CAST: variants seen among roughly 807,000 people sequenced by gnomAD.
CAST encodes the protein MIR583 host.
CAST carries 76 observed loss-of-function variants against 119.6 expected under a neutral mutation model. The observed-to-expected ratio is 0.64, with a 90% CI of 0.53 to 0.77. The LOEUF is 0.77. CAST is among the 30% of genes least tolerant of loss of function. The probability of loss-of-function intolerance (pLI) is 0.00; values close to 1 mark genes in which losing one functional copy is unlikely to be tolerated. For synonymous variants in CAST, 319 were observed against 331.6 expected (o/e 0.96, Z 0.41); for missense variants, 953 against 946.5 (o/e 1.01, Z -0.09).
chr5:96,563,725 C>G (rs1746423654), intron 1 of CAST, among the ~76,000 whole-genome samples: 1 of 152,112 alleles, frequency 6.6e-6, no homozygotes, highest in South Asian at 2.1e-4. Context: ...TTCACTGCCG[C>G]ACTTACTGAA....
chr5:96,710,640 T>C (rs1393061319), intron 3 of CAST, among the ~76,000 whole-genome samples: 1 of 152,172 alleles, frequency 6.6e-6, no homozygotes, highest in African/African-American at 2.4e-5. Flanking sequence ...ATTACATTCA[T>C]TGCCAGCAAT....
At chr5:96,015,195 A>G in the CAST span, among the ~76,000 whole-genome samples, 11 of 152,326 alleles carry the variant, frequency 7.2e-5, no homozygotes, top group African/African-American at 2.4e-4. Flanking sequence ...TTAAACTAAT[A>G]TTAGTATAGT....
chr5:96,248,568 A>G, the CAST span, among the ~76,000 whole-genome samples: 1 of 152,242 alleles, frequency 6.6e-6, no homozygotes, highest in Admixed American at 6.5e-5. Context: ...CTAAAACCAG[A>G]TAGAAATGGG....
intron 2 of CAST, among the ~76,000 whole-genome samples, chr5:96,678,626 C>G (rs938538824): frequency 3.9e-5 from 6 of 151,904 alleles, no homozygotes; most frequent in Non-Finnish European, 5.9e-5. Flanking sequence ...GGGCAGATCA[C>G]AAGGTCAGGA....
intron 3 of CAST, among the ~76,000 whole-genome samples, chr5:96,711,743 G>A (rs1020068824): frequency 6.6e-6 from 1 of 152,178 alleles, no homozygotes; most frequent in African/African-American, 2.4e-5. Flanking sequence ...ACTGAGAGGG[G>A]AATTTGTTTC....
chr5:96,657,005 T>C (rs979019303), intron 1 of CAST, among the ~76,000 whole-genome samples: 1 of 110,340 alleles, frequency 9.1e-6, no homozygotes, highest in Non-Finnish European at 1.8e-5. Flanking sequence ...CACATTTCTT[T>C]ATACAATAAT....
chr5:96,484,240 T>C, the CAST span, among the ~76,000 whole-genome samples: 4 of 152,286 alleles, frequency 2.6e-5, 1 homozygote, highest in Admixed American at 1.3e-4. Flanking sequence ...CCAATGGCTG[T>C]GCCTGCCATT....
At chr5:96,332,321 A>G in the CAST span, among the ~76,000 whole-genome samples, 1 of 152,098 alleles carries the variant, frequency 6.6e-6, no homozygotes, top group East Asian at 1.9e-4. Flanking sequence ...CTTGTTTGGG[A>G]GTACCTTGAG....
the CAST span, chr5:96,432,783 G>C: frequency 3.4e-6 from 4 of 1,170,446 alleles, no homozygotes; most frequent in Non-Finnish European, 5.1e-6. Context: ...GCAACCTGGG[G>C]CTCCCACTTG....
chr5:96,170,165 C>T, the CAST span, among the ~76,000 whole-genome samples: 9 of 152,268 alleles, frequency 5.9e-5, no homozygotes, highest in African/African-American at 1.9e-4. Flanking sequence ...GCCGCTAAGC[C>T]GAGTAAATCT....
At chr5:96,054,746 A>T in the CAST span, among the ~76,000 whole-genome samples, 2 of 152,178 alleles carry the variant, frequency 1.3e-5, no homozygotes, top group South Asian at 4.1e-4. Context: ...ATTTTGAGTG[A>T]GTGCATTTTC....
At chr5:96,509,517 G>C in the CAST span, among the ~76,000 whole-genome samples, 1 of 152,176 alleles carries the variant, frequency 6.6e-6, no homozygotes, top group African/African-American at 2.4e-5. Context: ...GACAACAAAA[G>C]GTAAGCAGGA....
chr5:96,298,914 A>G, the CAST span, among the ~76,000 whole-genome samples: 1 of 149,506 alleles, frequency 6.7e-6, no homozygotes, highest in African/African-American at 2.5e-5. Context: ...AAAATTAAAG[A>G]CAGAATTCTC....
At chr5:96,200,009 A>C in the CAST span, among the ~76,000 whole-genome samples, 1 of 152,134 alleles carries the variant, frequency 6.6e-6, no homozygotes, top group Non-Finnish European at 1.5e-5. Flanking sequence ...ATGATAATAA[A>C]TAAGGCCACT....
At chr5:96,236,821 C>A in the CAST span, among the ~76,000 whole-genome samples, 1 of 152,184 alleles carries the variant, frequency 6.6e-6, no homozygotes, top group Non-Finnish European at 1.5e-5. Context: ...TGATAACTTA[C>A]TGGACCTGGG....
At chr5:96,258,916 G>T in the CAST span, among the ~76,000 whole-genome samples, 1 of 152,182 alleles carries the variant, frequency 6.6e-6, no homozygotes, top group Non-Finnish European at 1.5e-5. Context: ...ACTAAGGGAG[G>T]TGTCATAATA....
the CAST span, among the ~76,000 whole-genome samples, chr5:95,967,416 TTAAATAAA>T: frequency 3.5e-5 from 5 of 144,514 alleles, no homozygotes; most frequent in Admixed American, 2.8e-4. Context: ...GACCCTATCT[TTAAATAAA>T]TAAATAAATA....
chr5:96,230,074 C>T, the CAST span, among the ~76,000 whole-genome samples: 1 of 152,092 alleles, frequency 6.6e-6, no homozygotes, highest in African/African-American at 2.4e-5. Context: ...GGATAGACGT[C>T]CATTCTCATG....
At chr5:96,093,178 T>C in the CAST span, among the ~76,000 whole-genome samples, 1 of 152,210 alleles carries the variant, frequency 6.6e-6, no homozygotes, top group Non-Finnish European at 1.5e-5. Context: ...GTGTTTGGGA[T>C]CATATTTGGC....
Sources: gnomAD v4.1 joint callset for allele counts (sites outside exome capture counted in the v4.1 genomes callset) on GRCh38, gnomAD v4.1.1 for gene constraint, MANE v1.5 for transcripts, NCBI Gene and HGNC (gene_info 2026-07-23, HGNC 2026-07-21) for gene names.